Variants in STIM1 observed in about 807,000 individuals in gnomAD.
The protein encoded by STIM1 is stromal interaction molecule 1.
A neutral mutation model predicts 74.7 loss-of-function variants in STIM1; 25 were observed. The observed-to-expected ratio is 0.33, with a 90% CI of 0.24 to 0.47. The LOEUF is 0.47. Among genes scored for constraint, STIM1 ranks in the 20% least tolerant of loss-of-function variants. The pLI, the probability that STIM1 is intolerant of heterozygous loss-of-function variation, is 1.00. For synonymous variants in STIM1, 328 were observed against 348.8 expected (o/e 0.94, Z 0.66); for missense variants, 728 against 920.8 (o/e 0.79, Z 2.71).
In STIM1 at chr11:4,028,761, G is replaced by A. The variant is rs192769476; in HGVS notation, c.385+4774G>A. On this transcript the variant is annotated intron_variant, in intron 3 of 12. Coordinates refer to ENST00000526596, the MANE Select transcript of STIM1 (RefSeq NM_001382567.1). ...CCTCGTTTTTATGAATCAAGACTTT[G>A]TACCTATCAATCTTTGATTCTATGA... is the stretch of plus-strand genomic sequence containing the variant. Among the ~76,000 whole-genome samples, 69 of 152,146 alleles carry A rather than the reference G, an allele frequency of 4.5e-4. 1 individual carries two copies. The highest frequency in any genetic ancestry group is 1.6e-3 in the African/African-American group (66 of 41,522).
chr11:3,977,053 C>T (rs966220165), intron 2 of STIM1, among the ~76,000 whole-genome samples: 2 of 152,218 alleles, frequency 1.3e-5, no homozygotes, highest in Middle Eastern at 3.4e-3. Flanking sequence ...CCTCCAGCTC[C>T]GAAAGTGCTG....
At position 3,920,149 on chromosome 11, in the gene STIM1, T is replaced by G. The variant is rs564185685; in HGVS notation, c.140-47403T>G. ...TACAATTTTTTTTTTTTGGTAGAGA[T>G]GGGGTCTTGCCATATTACCCAGACT... is the stretch of plus-strand genomic sequence containing the variant. On this transcript the variant is annotated intron_variant, in intron 1 of 12. Transcript: ENST00000526596. 8.1e-4 allele frequency among the ~76,000 whole-genome samples: 123 copies of G among 151,716 alleles called. 3 individuals are homozygous for G. In the South Asian group the frequency reaches 0.025, roughly 31 times the overall value.
chr11:3,992,903 C>T (rs1205244951), intron 2 of STIM1, among the ~76,000 whole-genome samples: 5 of 152,218 alleles, frequency 3.3e-5, no homozygotes, highest in Non-Finnish European at 4.4e-5. Context: ...TTTTCCTCAA[C>T]TCCACATCTA....
At chr11:3,882,825 T>TA (rs2091566908) in intron 1 of STIM1, among the ~76,000 whole-genome samples, 1 of 152,240 alleles carries the variant, frequency 6.6e-6, no homozygotes, top group Admixed American at 6.5e-5. Flanking sequence ...TTATTTTTTT[T>TA]ATTATAACCA....
At chr11:3,941,637 A>AG (rs2093007612) in intron 1 of STIM1, among the ~76,000 whole-genome samples, 1 of 142,432 alleles carries the variant, frequency 7.0e-6, no homozygotes, top group Admixed American at 7.3e-5. Flanking sequence ...ATATAGAGAG[A>AG]TAGTGTGTGT....
intron 11 of STIM1, 48 bp from the exon 12 acceptor site, chr11:4,086,429 C>G: frequency 6.2e-7 from 1 of 1,606,350 alleles, no homozygotes; most frequent in Non-Finnish European, 8.5e-7. Flanking sequence ...TACCTGCCAG[C>G]CCAAAGTGGG....
chr11:4,022,335 C>CAA (rs60560723), intron 2 of STIM1, among the ~76,000 whole-genome samples: 26,344 of 104,572 alleles, frequency 0.25, 3,235 homozygotes, highest in South Asian at 0.41. Flanking sequence ...GAACCTGTCT[C>CAA]AAAAAAAAAA....
At chr11:3,989,293 C>G in intron 2 of STIM1, 2 of 929,844 alleles carry the variant, frequency 2.2e-6, no homozygotes, top group Non-Finnish European at 3.6e-6. Flanking sequence ...CTTTGCTCCC[C>G]TTTTCCCTTT....
At chr11:4,075,263 A>G (rs920776276) in intron 7 of STIM1, among the ~76,000 whole-genome samples, 1 of 152,262 alleles carries the variant, frequency 6.6e-6, no homozygotes, top group Non-Finnish European at 1.5e-5. Context: ...AGGTATTTAC[A>G]TAAAGTGTAC....
At chr11:3,867,863 GGCAGGCAA>G (rs1263703915) in intron 1 of STIM1, among the ~76,000 whole-genome samples, 128 of 145,278 alleles carry the variant, frequency 8.8e-4, no homozygotes, top group Admixed American at 1.5e-3. Context: ...CAGGCAGGCA[GGCAGGCAA>G]GCAGGCAGGC....
intron 12 of STIM1, among the ~76,000 whole-genome samples, chr11:4,087,325 G>A (rs914869068): frequency 1.3e-4 from 20 of 152,202 alleles, no homozygotes; most frequent in Non-Finnish European, 2.2e-4. Flanking sequence ...TGCTATGGGG[G>A]TGTTGAGGAA....
intron 10 of STIM1, 149 bp downstream of exon 10, chr11:4,083,647 C>T: frequency 2.6e-6 from 2 of 755,886 alleles, no homozygotes; most frequent in Non-Finnish European, 2.2e-6. Context: ...GCACAATTTA[C>T]TCAGGTTATT....
chr11:4,082,217 C>G lies in STIM1; in HGVS notation c.1003C>G (p.Leu335Val), dbSNP rs202060449. The change falls in exon 8 of 13, where the codon CTA (leucine) becomes GTA (valine). Residue 335 changes from leucine (L) to valine (V), a missense_variant. Leu to Val is a conservative substitution (Grantham distance 32, BLOSUM62 1). Coordinates refer to ENST00000526596, the MANE Select transcript of STIM1 (RefSeq NM_001382567.1). ...REALRKAEKE[L>V]ESHSSWYAPE... Reference sequence around the variant, plus strand: ...GGCCTTGAGGAAAGCAGAGAAGGAGCTAGAATCTCACAGCTCATGGTATGC... The same window carrying G: ...GGCCTTGAGGAAAGCAGAGAAGGAGGTAGAATCTCACAGCTCATGGTATGC... 1.2e-6 allele frequency: 2 copies of G among 1,614,038 alleles called. No homozygotes were observed. Among genetic ancestry groups the G allele is most frequent in the Admixed American group, 3.3e-5 (2 of 60,014 alleles).
chr11:4,027,511 C>T (rs950289327), intron 3 of STIM1, among the ~76,000 whole-genome samples: 10 of 152,070 alleles, frequency 6.6e-5, no homozygotes, highest in South Asian at 4.1e-4. Flanking sequence ...GGGGTTTCAC[C>T]GTGTTGGTTG....
intron 1 of STIM1, among the ~76,000 whole-genome samples, chr11:3,880,476 T>A (rs2091460825): frequency 6.6e-6 from 1 of 152,138 alleles, no homozygotes; most frequent in Non-Finnish European, 1.5e-5. Flanking sequence ...TGGGGGATGG[T>A]TTCAGTGTCA....
chr11:3,904,901 G>A lies in STIM1; in HGVS notation c.139+48492G>A, dbSNP rs954938821. ...GAGAGAGGTAGGAATAGACATGAGA[G>A]AATCATGAACTCTAAGAAATAGTAG... On this transcript the variant is annotated intron_variant, in intron 1 of 12. Coordinates refer to ENST00000526596, the MANE Select transcript of STIM1 (RefSeq NM_001382567.1). 1.2e-4 allele frequency among the ~76,000 whole-genome samples: 18 copies of A among 152,102 alleles called. No individual in the cohort carries two copies. The South Asian group carries it at 1.5e-3, about 12-fold the overall frequency.
At chr11:3,861,472 G>A (rs1158417191) in intron 1 of STIM1, among the ~76,000 whole-genome samples, 1 of 152,104 alleles carries the variant, frequency 6.6e-6, no homozygotes, top group African/African-American at 2.4e-5. Context: ...CTGACTTCGT[G>A]ATCTGCCTGC....
chr11:4,088,892 C>A, intron 12 of STIM1: 1 of 749,746 alleles, frequency 1.3e-6, no homozygotes, highest in Non-Finnish European at 2.2e-6. Flanking sequence ...AGGTTCTTAT[C>A]TTGCTTTGGC....
At chr11:3,879,231 C>G (rs376034768) in intron 1 of STIM1, among the ~76,000 whole-genome samples, 20 of 152,192 alleles carry the variant, frequency 1.3e-4, no homozygotes, top group African/African-American at 4.6e-4. Flanking sequence ...GCTGGGATTA[C>G]AGGAATGAGC....
Sources: gnomAD v4.1 joint callset for allele counts (sites outside exome capture counted in the v4.1 genomes callset) on GRCh38, gnomAD v4.1.1 for gene constraint, MANE v1.5 for transcripts, NCBI Gene and HGNC (gene_info 2026-07-23, HGNC 2026-07-21) for gene names.